CADPS: variants seen among roughly 807,000 people sequenced by gnomAD.
The protein encoded by CADPS is calcium dependent secretion activator.
A neutral mutation model predicts 167.3 loss-of-function variants in CADPS; 57 were observed. That is an observed-to-expected ratio of 0.34 (90% CI 0.28 to 0.42). The LOEUF (loss-of-function observed/expected upper bound fraction) is 0.42. Among genes scored for constraint, CADPS ranks in the 20% least tolerant of loss-of-function variants. The pLI is 1.00. For missense variants in CADPS, 1,414 were observed against 1,738.1 expected (o/e 0.81, Z 3.32); for synonymous variants, 676 against 635.3 (o/e 1.06, Z -0.96).
rs2068502283 is a variant in CADPS at position 62,514,309 on chromosome 3, G to A, written c.2582-1541C>T. 6.6e-6 allele frequency among the ~76,000 whole-genome samples: 1 copy of A among 152,040 alleles called. No homozygotes were observed. Among genetic ancestry groups the A allele is most frequent in the South Asian group, 2.1e-4 (1 of 4,830 alleles). ...GATACATGCAGCCAGAGGATGTTGG[G>A]TTGTCTGAATTAACAATCCCAGCAT... On this transcript the variant is annotated intron_variant, in intron 16 of 29. Coordinates refer to ENST00000383710, the MANE Select transcript of CADPS (RefSeq NM_003716.4). This position sits in a 1 kb window ranked among gnomAD's most constrained non-coding sequence, Gnocchi z 4.2.
chr3:62,805,823 G>T (rs1235169521), intron 1 of CADPS, among the ~76,000 whole-genome samples: 3 of 152,126 alleles, frequency 2.0e-5, no homozygotes, highest in Non-Finnish European at 2.9e-5. Flanking sequence ...AGAGAGAGAG[G>T]TTGGAGTATT....
rs369154361 is a variant in CADPS at position 62,719,627 on chromosome 3, T to C, written c.888+33814A>G. Among the ~76,000 whole-genome samples the C allele has an allele frequency of 1.6e-4, 24 of 152,346 alleles. 1 individual carries two copies. Among genetic ancestry groups the C allele is most frequent in the African/African-American group, 5.5e-4 (23 of 41,580 alleles). ...GTGCCCACCTTTAGCAAGGATTTGT[T>C]ACATATAAATAATTGGGTAATCTGC... On this transcript the variant is annotated intron_variant, in intron 3 of 29. Transcript: ENST00000383710.
chr3:62,744,985 T>G (rs140716166), intron 3 of CADPS, among the ~76,000 whole-genome samples: 2 of 152,294 alleles, frequency 1.3e-5, no homozygotes, highest in African/African-American at 4.8e-5. Context: ...CTTCAGAAAA[T>G]TATGGCTCTG....
chr3:62,844,043 T>C (rs951444118), intron 1 of CADPS, among the ~76,000 whole-genome samples: 1 of 152,184 alleles, frequency 6.6e-6, no homozygotes, highest in Non-Finnish European at 1.5e-5. Flanking sequence ...AATCCAGAAC[T>C]AAAGATAGGC....
intron 1 of CADPS, among the ~76,000 whole-genome samples, chr3:62,793,355 C>G (rs1446547383): frequency 6.6e-6 from 1 of 152,156 alleles, no homozygotes; most frequent in Non-Finnish European, 1.5e-5. Flanking sequence ...TATACACAAT[C>G]AGTTTCAGCG....
At chr3:62,476,739 G>C (rs1014401910) in intron 23 of CADPS, among the ~76,000 whole-genome samples, 6 of 152,068 alleles carry the variant, frequency 3.9e-5, no homozygotes, top group African/African-American at 1.2e-4. Context: ...CTCCATGAAG[G>C]ACATGCATGT....
intron 6 of CADPS, among the ~76,000 whole-genome samples, chr3:62,632,351 T>C (rs1185996313): frequency 6.6e-6 from 1 of 152,160 alleles, no homozygotes; most frequent in Admixed American, 6.6e-5. Flanking sequence ...ACATAAAATA[T>C]TATTTTAAAA....
intron 3 of CADPS, among the ~76,000 whole-genome samples, chr3:62,747,852 T>C (rs1031867404): frequency 1.3e-5 from 2 of 152,092 alleles, no homozygotes; most frequent in Non-Finnish European, 2.9e-5. Flanking sequence ...TTTAGAGTCA[T>C]GCTGCACTTA....
chr3:62,567,565 T>C (rs926578210), intron 9 of CADPS, among the ~76,000 whole-genome samples: 1 of 5,912 alleles, frequency 1.7e-4, no homozygotes, highest in East Asian at 0.024. Context: ...TAAGCACTGC[T>C]TTTTTTTTTT....
chr3:62,423,811 C>T (rs781721221), intron 28 of CADPS, among the ~76,000 whole-genome samples: 25 of 152,134 alleles, frequency 1.6e-4, no homozygotes, highest in Non-Finnish European at 3.2e-4. Context: ...ACGAAGGTTC[C>T]TATATCCTAG....
intron 1 of CADPS, among the ~76,000 whole-genome samples, chr3:62,772,310 C>T (rs2089077914): frequency 6.6e-6 from 1 of 152,128 alleles, no homozygotes; most frequent in Non-Finnish European, 1.5e-5. Flanking sequence ...AAGCCAATTA[C>T]TCCCTTCCCA....
intron 1 of CADPS, among the ~76,000 whole-genome samples, chr3:62,804,712 T>C (rs1275998989): frequency 2.0e-5 from 3 of 152,128 alleles, no homozygotes; most frequent in Non-Finnish European, 4.4e-5. Flanking sequence ...TTGACATAAG[T>C]GCTTTAATAT....
At chr3:62,811,324 T>G (rs1345307259) in intron 1 of CADPS, among the ~76,000 whole-genome samples, 1 of 152,108 alleles carries the variant, frequency 6.6e-6, no homozygotes, top group Non-Finnish European at 1.5e-5. Flanking sequence ...AACATTCTCC[T>G]GCACTCCTTC....
intron 3 of CADPS, among the ~76,000 whole-genome samples, chr3:62,742,561 C>G (rs2080501586): frequency 1.3e-5 from 2 of 152,196 alleles, no homozygotes; most frequent in African/African-American, 4.8e-5. Flanking sequence ...GCTGGGATAA[C>G]TGGCTAGCCA....
Position 62,711,900 on chromosome 3 carries a change from C to T in CADPS, c.888+41541G>A, listed in dbSNP as rs906646336. 1.3e-4 allele frequency among the ~76,000 whole-genome samples: 20 copies of T among 152,186 alleles called. 1 individual carries two copies. Among genetic ancestry groups the T allele is most frequent in the Admixed American group, 3.9e-4 (6 of 15,278 alleles). The stretch of plus-strand genomic sequence containing the variant: ...ACTCAACAGCAACTTAAAAAACCAA[C>T]ACAATCCTGAGTAAAAGCTTTTCAG... On this transcript the variant is annotated intron_variant, in intron 3 of 29. Coordinates refer to ENST00000383710, the MANE Select transcript of CADPS (RefSeq NM_003716.4).
intron 1 of CADPS, among the ~76,000 whole-genome samples, chr3:62,766,353 C>T (rs1224314872): frequency 1.3e-5 from 2 of 152,102 alleles, no homozygotes; most frequent in Non-Finnish European, 2.9e-5. Context: ...CTTCCCAGCT[C>T]CACATTCAGT....
intron 1 of CADPS, among the ~76,000 whole-genome samples, chr3:62,773,627 C>T (rs2089500039): frequency 6.6e-6 from 1 of 152,068 alleles, no homozygotes; most frequent in African/African-American, 2.4e-5. Context: ...TTTGTTTTTG[C>T]ATTAAACTTA....
rs1207594037 is a variant in CADPS at position 62,405,458 on chromosome 3, A to AT, written c.3778-2274_3778-2273insA. Among the ~76,000 whole-genome samples the AT allele has an allele frequency of 7.1e-5, 10 of 141,804 alleles. No individual in the cohort carries two copies. In the East Asian group the frequency reaches 1.8e-3, roughly 26 times the overall value. The allele number at this position is 141,804 out of a possible 152,430, so 93.0% of individuals were successfully genotyped here. ...CGTGCCACCTTTCAGGAAAAAAAAA[A>AT]AAAAAATAAAATAACGCAACCCCCT... On this transcript the variant is annotated intron_variant, in intron 28 of 29. Coordinates refer to ENST00000383710, the MANE Select transcript of CADPS (RefSeq NM_003716.4).
chr3:62,491,880 A>G (rs1452061136), intron 20 of CADPS, among the ~76,000 whole-genome samples: 1 of 152,094 alleles, frequency 6.6e-6, no homozygotes, highest in African/African-American at 2.4e-5. Flanking sequence ...CCTGGGGAGG[A>G]AGGTCTATTT....
Sources: gnomAD v4.1 joint callset for allele counts (sites outside exome capture counted in the v4.1 genomes callset) on GRCh38, gnomAD v4.1.1 for gene constraint, Gnocchi (gnomAD v3.1) non-coding constraint, MANE v1.5 for transcripts, NCBI Gene and HGNC (gene_info 2026-07-23, HGNC 2026-07-21) for gene names.